The following COLEC10 variants were observed in gnomAD, a reference collection of about 807,000 sequenced individuals.
COLEC10 encodes the protein collectin-10.
COLEC10 carries 22 observed loss-of-function variants against 28.4 expected under a neutral mutation model. The observed-to-expected ratio is 0.78, with a 90% CI of 0.55 to 1.11. The LOEUF is 1.11. COLEC10 is among the 50% of genes least tolerant of loss of function. The probability of loss-of-function intolerance (pLI) is 0.00; values close to 1 mark genes in which losing one functional copy is unlikely to be tolerated. For synonymous variants in COLEC10, 125 were observed against 116.1 expected (o/e 1.08, Z -0.49); for missense variants, 361 against 344.1 (o/e 1.05, Z -0.39).
chr8:118,982,488 C>T, the COLEC10 span: 1 of 154,516 alleles, frequency 6.5e-6, no homozygotes, highest in Admixed American at 6.5e-5. Context: ...GATACACAAA[C>T]AGGAACGGTG....
chr8:119,020,995 C>A (rs1212337152), intron 2 of COLEC10, among the ~76,000 whole-genome samples: 2 of 151,962 alleles, frequency 1.3e-5, no homozygotes, highest in African/African-American at 4.8e-5. Flanking sequence ...TCAGTCATTT[C>A]AACATTATAG....
chr8:119,106,249 TCC>T lies in COLEC10; in HGVS notation c.*59_*60del. The T allele has an allele frequency of 6.6e-7, 1 of 1,517,066 alleles. No homozygotes were observed. The highest frequency in any genetic ancestry group is 1.8e-4 in the Middle Eastern group (1 of 5,628). 94.0% of individuals were successfully genotyped at this position (1,517,066 alleles called of 1,614,324 possible). Reference sequence around the variant, plus strand: ...GTGACCGTCATTACAGTTATTGTTATCCATCCTTTTTTTCCTGATTGTACTAC... The same window carrying T: ...GTGACCGTCATTACAGTTATTGTTATATCCTTTTTTTCCTGATTGTACTAC... On this transcript the variant is annotated 3_prime_UTR_variant, in exon 6 of 6. Transcript: ENST00000332843.
At chr8:119,046,424 C>G (rs982022661) in intron 2 of COLEC10, among the ~76,000 whole-genome samples, 1 of 152,086 alleles carries the variant, frequency 6.6e-6, no homozygotes, top group African/African-American at 2.4e-5. Context: ...TGGCTCTATA[C>G]AGATTATAAT....
the COLEC10 span, among the ~76,000 whole-genome samples, chr8:118,969,477 A>T: frequency 1.3e-5 from 2 of 152,026 alleles, no homozygotes; most frequent in Non-Finnish European, 2.9e-5. Flanking sequence ...AGTTGCTAAC[A>T]TCTGCCAGGC....
At chr8:119,021,174 G>T (rs1814084560) in intron 2 of COLEC10, among the ~76,000 whole-genome samples, 1 of 152,148 alleles carries the variant, frequency 6.6e-6, no homozygotes. Context: ...TTTAGAAGCA[G>T]CCTCAATTTA....
chr8:119,106,239 G>A lies in COLEC10; in HGVS notation c.*48G>A, dbSNP rs2130314389. 1.3e-6 allele frequency: 2 copies of A among 1,534,186 alleles called. No individual in the cohort carries two copies. The highest frequency in any genetic ancestry group is 1.3e-5 in the South Asian group (1 of 79,864). On this transcript the variant is annotated 3_prime_UTR_variant, in exon 6 of 6. Coordinates refer to ENST00000332843, the MANE Select transcript of COLEC10 (RefSeq NM_006438.5). Reference sequence around the variant, plus strand: ...CTATTTTCCTGTGACCGTCATTACAGTTATTGTTATCCATCCTTTTTTTCC... The same window carrying A: ...CTATTTTCCTGTGACCGTCATTACAATTATTGTTATCCATCCTTTTTTTCC...
At chr8:119,075,088 T>C (rs1305352955) in intron 1 of COLEC10, among the ~76,000 whole-genome samples, 1 of 152,224 alleles carries the variant, frequency 6.6e-6, no homozygotes, top group East Asian at 1.9e-4. Flanking sequence ...TCCTTCTTCC[T>C]TTAAGAAACT....
At chr8:119,067,003 T>C (rs1814976938), upstream of COLEC10, among the ~76,000 whole-genome samples, 2 of 152,204 alleles carry the variant, frequency 1.3e-5, no homozygotes, top group Admixed American at 1.3e-4. Flanking sequence ...CTATCTTCTT[T>C]GTTCTTGGGG....
chr8:118,974,140 C>A, the COLEC10 span, among the ~76,000 whole-genome samples: 1 of 151,894 alleles, frequency 6.6e-6, no homozygotes, highest in African/African-American at 2.4e-5. Flanking sequence ...GCAATTCCTT[C>A]CTTGCTTTCT....
chr8:119,027,456 A>G (rs1814213319), intron 2 of COLEC10, among the ~76,000 whole-genome samples: 1 of 152,044 alleles, frequency 6.6e-6, no homozygotes, highest in South Asian at 2.1e-4. Context: ...CTTCCTTCCA[A>G]ATAATCCTTT....
chr8:118,989,578 C>CACACACACACACACA, the COLEC10 span, among the ~76,000 whole-genome samples: 1 of 139,184 alleles, frequency 7.2e-6, no homozygotes, highest in African/African-American at 3.2e-5. Context: ...CACACACACA[C>CACACACACACACACA]CCCTACCTAC....
chr8:119,079,138 T>C (rs1367296495), intron 1 of COLEC10, among the ~76,000 whole-genome samples: 1 of 152,078 alleles, frequency 6.6e-6, no homozygotes, highest in Non-Finnish European at 1.5e-5. Context: ...TCATTTCTAG[T>C]GACTAGAAAT....
chr8:119,063,046 T>G (rs1278043784), upstream of COLEC10: 2 of 152,214 alleles, frequency 1.3e-5, no homozygotes, highest in Admixed American at 6.5e-5. Context: ...AGGTTGTCAT[T>G]GTACTGTTAT....
At chr8:118,971,255 C>T in the COLEC10 span, among the ~76,000 whole-genome samples, 1 of 151,942 alleles carries the variant, frequency 6.6e-6, no homozygotes, top group Non-Finnish European at 1.5e-5. Flanking sequence ...CCTTGGCATG[C>T]TAGTTGGCAT....
At chr8:119,030,581 A>AGG (rs1465888350) in intron 2 of COLEC10, among the ~76,000 whole-genome samples, 1 of 152,196 alleles carries the variant, frequency 6.6e-6, no homozygotes, top group East Asian at 1.9e-4. Flanking sequence ...TGTGAATATA[A>AGG]ACAGGTTGCC....
At chr8:119,036,178 A>G (rs1814387056) in intron 2 of COLEC10, among the ~76,000 whole-genome samples, 1 of 152,224 alleles carries the variant, frequency 6.6e-6, no homozygotes, top group Admixed American at 6.5e-5. Flanking sequence ...CCATTTCAAA[A>G]TTTCTTTTCC....
At chr8:119,083,611 A>G (rs989953372) in intron 1 of COLEC10, among the ~76,000 whole-genome samples, 13 of 152,162 alleles carry the variant, frequency 8.5e-5, no homozygotes, top group African/African-American at 3.1e-4. Context: ...AATTTTACCC[A>G]TAATCTTACT....
At chr8:119,008,370 T>G (rs12679567) in intron 1 of COLEC10, among the ~76,000 whole-genome samples, 6,880 of 150,982 alleles carry the variant, frequency 0.046, 447 homozygotes, top group East Asian at 0.16. Flanking sequence ...TGGGGTAGTA[T>G]TCATTTGTGA....
chr8:119,079,359 C>T (rs1237111439), intron 1 of COLEC10, among the ~76,000 whole-genome samples: 3 of 152,124 alleles, frequency 2.0e-5, no homozygotes, highest in Non-Finnish European at 4.4e-5. Flanking sequence ...AAGTCCCATA[C>T]CCTTTCAGTG....
Sources: gnomAD v4.1 joint callset for allele counts (sites outside exome capture counted in the v4.1 genomes callset) on GRCh38, gnomAD v4.1.1 for gene constraint, MANE v1.5 for transcripts, NCBI Gene and HGNC (gene_info 2026-07-23, HGNC 2026-07-21) for gene names.